The following PTCD3 variants were observed in gnomAD, a reference collection of about 807,000 sequenced individuals.
PTCD3 encodes small ribosomal subunit protein mS39.
In PTCD3, 89 loss-of-function variants were observed where a neutral mutation model predicts 101.9. The observed-to-expected ratio is 0.87, with a 90% confidence interval of 0.74 to 1.04. PTCD3 has a LOEUF of 1.04. Among genes scored for constraint, PTCD3 ranks in the 50% least tolerant of loss-of-function variants. The pLI is 0.00. For synonymous variants in PTCD3, 296 were observed against 278.5 expected (o/e 1.06, Z -0.63); for missense variants, 870 against 828.2 (o/e 1.05, Z -0.62).
chr2:86,131,385 C>T (rs1187926173), intron 16 of PTCD3, among the ~76,000 whole-genome samples: 1 of 152,114 alleles, frequency 6.6e-6, no homozygotes, highest in African/African-American at 2.4e-5. Flanking sequence ...AGGTGTGCGC[C>T]ACCACACCTG....
At chr2:86,122,353 GATT>G in intron 8 of PTCD3, among the ~76,000 whole-genome samples, 1 of 152,298 alleles carries the variant, frequency 6.6e-6, no homozygotes, top group Middle Eastern at 3.4e-3. Flanking sequence ...TGGGTGATGG[GATT>G]ATTGGTGTTT....
At chr2:86,116,016 A>T (rs974729243) in intron 4 of PTCD3, among the ~76,000 whole-genome samples, 6 of 152,186 alleles carry the variant, frequency 3.9e-5, no homozygotes, top group African/African-American at 1.4e-4. Flanking sequence ...TAAATATTAA[A>T]ATCAGCCATG....
rs1468332064 is a variant in PTCD3 at position 86,137,818 on chromosome 2, G to A, written c.*259G>A. 2 of 390,782 alleles carry A rather than the reference G, an allele frequency of 5.1e-6. No individual in the cohort carries two copies. Among genetic ancestry groups the A allele is most frequent in the Admixed American group, 3.6e-5 (1 of 27,882 alleles). The allele number at this position is 390,782 out of a possible 1,614,324, so 24.2% of individuals were successfully genotyped here. On this transcript the variant is annotated 3_prime_UTR_variant, in exon 24 of 24. Transcript: ENST00000254630. ...ATTGCGGTTTTCAGACACATGGTGA[G>A]GTCCATGGCTCTTGTCATCAGGATA...
chr2:86,134,845 G>A lies in PTCD3; in HGVS notation c.1636G>A (p.Val546Met), dbSNP rs1674554355. The A allele has an allele frequency of 6.2e-7, 1 of 1,614,064 alleles. No homozygotes were observed. The highest frequency in any genetic ancestry group is 1.3e-5 in the African/African-American group (1 of 75,056). Residue 546 changes from valine to methionine, a missense_variant, in exon 21 of 24, where the codon GTG becomes ATG. Transcript: ENST00000254630. The part of the protein sequence containing the change: ...ARDKHPPELQ[V>M]AFADCAADIK... ...TGACTCCTAAGCTTCTCAGCTTCAG[G>A]TGGCATTTGCTGACTGTGCTGCTGA...
intron 22 of PTCD3, 35 bp downstream of exon 22, chr2:86,136,597 G>T (rs748058984): frequency 1.3e-6 from 2 of 1,591,718 alleles, no homozygotes; most frequent in African/African-American, 2.7e-5. Flanking sequence ...TTTGGGTACA[G>T]CCTGGAAGTA....
chr2:86,129,735 T>A (rs1674462286), intron 14 of PTCD3, among the ~76,000 whole-genome samples: 1 of 152,170 alleles, frequency 6.6e-6, no homozygotes, highest in South Asian at 2.1e-4. Flanking sequence ...ATGTAACTAA[T>A]AAAATTAAGA....
intron 22 of PTCD3, 143 bp downstream of exon 22, chr2:86,136,705 TGAGGCAA>T (rs1674590432): frequency 3.0e-6 from 3 of 994,236 alleles, no homozygotes; most frequent in Non-Finnish European, 4.6e-6. Context: ...CAGGGCATCC[TGAGGCAA>T]GCAGTTTTTT....
At chr2:86,107,245 C>T (rs1435021207) in intron 1 of PTCD3, 1 of 471,034 alleles carries the variant, frequency 2.1e-6, no homozygotes, top group East Asian at 6.9e-5. Context: ...TTGCCTGAAG[C>T]AGAATCTCTT....
intron 12 of PTCD3, 81 bp downstream of exon 12, chr2:86,125,961 G>A: frequency 1.0e-6 from 1 of 1,003,934 alleles, no homozygotes; most frequent in Non-Finnish European, 1.5e-6. Flanking sequence ...CAGGTGTGGT[G>A]GCTCAAACCT....
intron 5 of PTCD3, 55 bp downstream of exon 5, chr2:86,116,653 A>G: frequency 7.7e-7 from 1 of 1,304,728 alleles, no homozygotes; most frequent in South Asian, 1.2e-5. Context: ...TGCGTACAAC[A>G]GTACATAAAT....
At chr2:86,116,725 ATCCTT>A (rs1674184892) in intron 5 of PTCD3, 127 bp downstream of exon 5, 1 of 718,870 alleles carries the variant, frequency 1.4e-6, no homozygotes, top group African/African-American at 1.8e-5. Flanking sequence ...GACTATGTGA[ATCCTT>A]TACTACTTTC....
intron 11 of PTCD3, 97 bp from the exon 12 acceptor site, chr2:86,125,698 T>C: frequency 9.5e-7 from 1 of 1,056,548 alleles, no homozygotes; most frequent in Non-Finnish European, 1.4e-6. Flanking sequence ...GACATGTGAT[T>C]AGTCAAGGGA....
intron 21 of PTCD3, 37 bp from the exon 22 acceptor site, chr2:86,136,484 C>G (rs1237264332): frequency 6.4e-7 from 1 of 1,572,506 alleles, no homozygotes; most frequent in Non-Finnish European, 8.8e-7. Flanking sequence ...CCTTGTTTTT[C>G]TAATAGTATT....
At position 86,139,906 on chromosome 2, in the gene PTCD3, A is replaced by G. The variant is rs927288557; in HGVS notation, c.*2347A>G. The G allele has an allele frequency of 3.3e-5, 5 of 152,200 alleles. No individual in the cohort carries two copies. The highest frequency in any genetic ancestry group is 7.2e-5 in the African/African-American group (3 of 41,446). The allele number at this position is 152,200 out of a possible 1,614,324, so 9.4% of individuals were successfully genotyped here. A position where few individuals can be genotyped will look rare whatever the true frequency, so the allele number is the denominator to read the frequency against. On this transcript the variant is annotated 3_prime_UTR_variant, in exon 24 of 24. Coordinates refer to ENST00000254630, the MANE Select transcript of PTCD3 (RefSeq NM_017952.6). The stretch of plus-strand genomic sequence containing the variant: ...TTGCTCAGTGTTGCCACAGAGTTAC[A>G]TTACCAATGTGTAGAAGTCAGAAAC...
rs1187092580 is a variant in PTCD3, at chr2:86,140,924, C to G, written c.*3365C>G. On this transcript the variant is annotated 3_prime_UTR_variant, in exon 24 of 24. Coordinates refer to ENST00000254630, the MANE Select transcript of PTCD3 (RefSeq NM_017952.6). ...CATCTCAAAAAAAAAAAAAAAAAAC[C>G]AAAAAAACTGTCCAGCTGTGGACTT... 9.5e-6 allele frequency: 1 copy of G among 105,040 alleles called. No individual in the cohort carries two copies. The highest frequency in any genetic ancestry group is 3.1e-5 in the African/African-American group (1 of 32,184). The allele number at this position is 105,040 out of a possible 1,614,324, so 6.5% of individuals were successfully genotyped here.
At chr2:86,120,232 AC>A (rs957652633) in intron 7 of PTCD3, among the ~76,000 whole-genome samples, 10 of 151,834 alleles carry the variant, frequency 6.6e-5, no homozygotes, top group Admixed American at 2.0e-4. Flanking sequence ...TTCTAGTTTT[AC>A]CCCCTTTATT....
At chr2:86,132,780 T>C in intron 17 of PTCD3, 1 of 298,678 alleles carries the variant, frequency 3.3e-6, no homozygotes, top group South Asian at 6.7e-5. Context: ...TACTGGAACC[T>C]AGAGATACTC....
At chr2:86,114,389 G>A (rs377469242) in intron 4 of PTCD3, among the ~76,000 whole-genome samples, 73 of 152,020 alleles carry the variant, frequency 4.8e-4, no homozygotes, top group African/African-American at 1.7e-3. Flanking sequence ...CTGGGCTCAC[G>A]CCATTCTCCT....
intron 17 of PTCD3, chr2:86,132,797 T>C (rs998897477): frequency 3.3e-6 from 1 of 305,820 alleles, no homozygotes; most frequent in Non-Finnish European, 6.0e-6. Context: ...ACTCCCTAAA[T>C]GGGTTTGCTT....
Sources: gnomAD v4.1 joint callset for allele counts (sites outside exome capture counted in the v4.1 genomes callset) on GRCh38, gnomAD v4.1.1 for gene constraint, MANE v1.5 for transcripts, NCBI Gene and HGNC (gene_info 2026-07-23, HGNC 2026-07-21) for gene names.